MTCL2: variants seen among roughly 807,000 people sequenced by gnomAD.
MTCL2 encodes microtubule cross-linking factor 2.
the MTCL2 span, chr20:36,803,111 C>A: frequency 3.8e-6 from 6 of 1,595,150 alleles, no homozygotes; most frequent in South Asian, 5.6e-5. Context: ...GCTCCATCTG[C>A]GGAAAGAAGC....
At chr20:36,833,130 G>A in the MTCL2 span, among the ~76,000 whole-genome samples, 3 of 152,350 alleles carry the variant, frequency 2.0e-5, no homozygotes, top group South Asian at 2.1e-4. Context: ...GTTTGAAATC[G>A]AGTGGGTCAA....
chr20:36,793,725 C>G, the MTCL2 span: 13 of 1,544,450 alleles, frequency 8.4e-6, no homozygotes, highest in Non-Finnish European at 1.0e-5. This position sits in a 1 kb window ranked among gnomAD's most constrained non-coding sequence, Gnocchi z 6.8. Flanking sequence ...TTGCTGCTGT[C>G]CAGCTTGGAC....
At chr20:36,851,946 G>A in the MTCL2 span, among the ~76,000 whole-genome samples, 1 of 152,174 alleles carries the variant, frequency 6.6e-6, no homozygotes, top group African/African-American at 2.4e-5. Context: ...CCTTGATTCT[G>A]TGAAGCTAAT....
the MTCL2 span, among the ~76,000 whole-genome samples, chr20:36,856,097 T>A: frequency 6.6e-6 from 1 of 152,252 alleles, no homozygotes; most frequent in East Asian, 1.9e-4. Flanking sequence ...TCCCCATCCC[T>A]GCCAGCTCCC....
At chr20:36,834,536 G>T in the MTCL2 span, among the ~76,000 whole-genome samples, 1 of 152,034 alleles carries the variant, frequency 6.6e-6, no homozygotes, top group Non-Finnish European at 1.5e-5. Flanking sequence ...AAGCCCTCCT[G>T]GTGATTTTTA....
At chr20:36,831,931 T>TACTC in the MTCL2 span, among the ~76,000 whole-genome samples, 2 of 152,180 alleles carry the variant, frequency 1.3e-5, no homozygotes, top group East Asian at 3.9e-4. Flanking sequence ...AACTCACTCA[T>TACTC]ACTCACTCAC....
At chr20:36,798,259 C>T in the MTCL2 span, among the ~76,000 whole-genome samples, 6 of 152,016 alleles carry the variant, frequency 3.9e-5, no homozygotes, top group African/African-American at 7.2e-5. Context: ...TTAGTAGAGA[C>T]GGGTTTCACA....
At chr20:36,829,344 G>T in the MTCL2 span, 2 of 868,334 alleles carry the variant, frequency 2.3e-6, no homozygotes, top group Non-Finnish European at 3.4e-6. Flanking sequence ...TCACTGCCAC[G>T]CTGCAGATGA....
At chr20:36,812,983 A>G in the MTCL2 span, 5 of 1,049,560 alleles carry the variant, frequency 4.8e-6, no homozygotes, top group Non-Finnish European at 6.7e-6. Context: ...ACCCTGGTAG[A>G]TTCACCTCTG....
the MTCL2 span, among the ~76,000 whole-genome samples, chr20:36,851,368 C>T: frequency 6.6e-6 from 1 of 152,108 alleles, no homozygotes; most frequent in Admixed American, 6.5e-5. Context: ...CAAAAGAAAA[C>T]CCAAATCCCA....
the MTCL2 span, chr20:36,794,191 A>G: frequency 6.5e-7 from 1 of 1,547,998 alleles, no homozygotes; most frequent in East Asian, 2.5e-5. The surrounding 1 kb of genome is among the most constrained non-coding windows in gnomAD (Gnocchi z 5.4). Flanking sequence ...AGGAGCTCTC[A>G]GCCAGCCCAT....
chr20:36,839,451 G>A, the MTCL2 span: 1 of 1,611,588 alleles, frequency 6.2e-7, no homozygotes, highest in South Asian at 1.1e-5. This position sits in a 1 kb window ranked among gnomAD's most constrained non-coding sequence, Gnocchi z 5.1. Context: ...CCTGCGGAGG[G>A]AAGGAAGAGT....
chr20:36,808,722 C>T, the MTCL2 span: 43 of 1,599,196 alleles, frequency 2.7e-5, no homozygotes, highest in Non-Finnish European at 3.7e-5. Flanking sequence ...CTCAGGAGCG[C>T]CCTCTGCTGG....
chr20:36,841,155 CAA>C, the MTCL2 span, among the ~76,000 whole-genome samples: 8 of 40,350 alleles, frequency 2.0e-4, no homozygotes, highest in East Asian at 3.2e-3. Flanking sequence ...ACTAAAAATA[CAA>C]AAAAAAAAAA....
chr20:36,805,501 C>T, the MTCL2 span, among the ~76,000 whole-genome samples: 5 of 152,184 alleles, frequency 3.3e-5, no homozygotes, highest in Non-Finnish European at 7.3e-5. Context: ...CCTCCCAAGC[C>T]ATACTCAATA....
the MTCL2 span, among the ~76,000 whole-genome samples, chr20:36,790,451 A>T: frequency 6.2e-4 from 56 of 90,524 alleles, no homozygotes; most frequent in African/African-American, 2.1e-3. Context: ...TTTTTTTTTT[A>T]AAAGATGGAG....
At chr20:36,841,524 T>C in the MTCL2 span, among the ~76,000 whole-genome samples, 2 of 152,014 alleles carry the variant, frequency 1.3e-5, no homozygotes, top group Non-Finnish European at 2.9e-5. Flanking sequence ...GGAGAGGTTA[T>C]TCCAGGCAGA....
the MTCL2 span, among the ~76,000 whole-genome samples, chr20:36,838,438 T>C: frequency 6.6e-6 from 1 of 151,442 alleles, no homozygotes; most frequent in Admixed American, 6.6e-5. Flanking sequence ...CTACAACATA[T>C]AGAAAAATTA....
the MTCL2 span, among the ~76,000 whole-genome samples, chr20:36,818,513 A>G: frequency 6.6e-6 from 1 of 152,224 alleles, no homozygotes; most frequent in Admixed American, 6.5e-5. Context: ...AAAAATCCAG[A>G]AGCTGGTCTG....
Sources: gnomAD v4.1 joint callset for allele counts (sites outside exome capture counted in the v4.1 genomes callset) on GRCh38, gnomAD v4.1.1 for gene constraint, Gnocchi (gnomAD v3.1) non-coding constraint, MANE v1.5 for transcripts, NCBI Gene and HGNC (gene_info 2026-07-23, HGNC 2026-07-21) for gene names.